The following CFDP1 variants were observed in gnomAD, a reference collection of about 807,000 sequenced individuals.
CFDP1 encodes chromatin remodeling protein CFDP1.
In CFDP1, 31 loss-of-function variants were observed where a neutral mutation model predicts 40.1. That is an observed-to-expected ratio of 0.77 (90% CI 0.58 to 1.04). The LOEUF (loss-of-function observed/expected upper bound fraction) is 1.04. Among genes scored for constraint, CFDP1 ranks in the 50% least tolerant of loss-of-function variants. The pLI is 0.00. For synonymous variants in CFDP1, 167 were observed against 120.0 expected (o/e 1.39, Z -2.56); for missense variants, 423 against 343.4 (o/e 1.23, Z -1.83).
At chr16:75,324,474 G>A (rs759635962) in intron 5 of CFDP1, among the ~76,000 whole-genome samples, 13 of 152,158 alleles carry the variant, frequency 8.5e-5, no homozygotes, top group Non-Finnish European at 1.5e-4. Context: ...GGGCGCGGTG[G>A]CTCATGCCTG....
chr16:75,387,896 T>C (rs1204038561), intron 5 of CFDP1, among the ~76,000 whole-genome samples: 2 of 152,230 alleles, frequency 1.3e-5, no homozygotes, highest in African/African-American at 4.8e-5. Context: ...GTTATATTAA[T>C]GAGGAAAAGC....
chr16:75,428,634 G>C (rs1297778931), intron 1 of CFDP1, among the ~76,000 whole-genome samples: 1 of 143,920 alleles, frequency 6.9e-6, no homozygotes, highest in African/African-American at 2.6e-5. Context: ...AATAAATAGA[G>C]AGAGAGAAAA....
At chr16:75,416,499 G>A (rs1213896486) in intron 1 of CFDP1, among the ~76,000 whole-genome samples, 3 of 149,280 alleles carry the variant, frequency 2.0e-5, no homozygotes, top group African/African-American at 4.9e-5. Flanking sequence ...AGTGGCTCAC[G>A]CCTATAATCT....
intron 5 of CFDP1, among the ~76,000 whole-genome samples, chr16:75,339,229 G>A (rs914346120): frequency 6.6e-6 from 1 of 151,494 alleles, no homozygotes; most frequent in Non-Finnish European, 1.5e-5. Flanking sequence ...CAATTCTTTG[G>A]CTCATTCGTC....
Position 75,411,934 on chromosome 16 carries a change from C to A in CFDP1, c.421G>T (p.Glu141Ter). 1 of 1,607,828 alleles carries A rather than the reference C, an allele frequency of 6.2e-7. No individual in the cohort carries two copies. Among genetic ancestry groups the A allele is most frequent in the Non-Finnish European group, 8.5e-7 (1 of 1,178,654 alleles). Residue 141 changes from glutamate to a stop codon, truncating the protein, a stop_gained, in exon 4 of 7, where the codon GAG becomes TAG. Coordinates refer to ENST00000283882, the MANE Select transcript of CFDP1 (RefSeq NM_006324.3). LOFTEE classifies it high-confidence loss of function. ...ACCAACAATTTACTTGAACTTGTCT[C>A]TTCAGTCTCCTCTCCTTTCTATAAA... The part of the protein sequence containing the change: ...TQVKKGEETE[E>*]TSSSKLLVKA...
chr16:75,303,685 C>T (rs3784936), intron 6 of CFDP1, among the ~76,000 whole-genome samples: 9 of 151,734 alleles, frequency 5.9e-5, no homozygotes, highest in Non-Finnish European at 1.2e-4. Context: ...TGAATGACTT[C>T]GACTTAACGC....
At chr16:75,308,809 C>T (rs913332539) in intron 5 of CFDP1, among the ~76,000 whole-genome samples, 3 of 152,092 alleles carry the variant, frequency 2.0e-5, no homozygotes. Flanking sequence ...ATCTTATTGA[C>T]GAATTACTTT....
intron 4 of CFDP1, among the ~76,000 whole-genome samples, chr16:75,399,978 G>A (rs1474517863): frequency 2.0e-5 from 3 of 151,666 alleles, no homozygotes; most frequent in Non-Finnish European, 4.4e-5. Flanking sequence ...GCACATGCCT[G>A]TAATCCCAGC....
intron 5 of CFDP1, among the ~76,000 whole-genome samples, chr16:75,357,078 A>G (rs972996697): frequency 2.0e-5 from 3 of 151,310 alleles, no homozygotes; most frequent in Non-Finnish European, 1.5e-5. Flanking sequence ...ATGCCTGGCT[A>G]ATTTTTGTAT....
chr16:75,343,362 C>T (rs1285154216), intron 5 of CFDP1, among the ~76,000 whole-genome samples: 2 of 152,126 alleles, frequency 1.3e-5, no homozygotes, highest in African/African-American at 4.8e-5. Flanking sequence ...CACCTCTGAG[C>T]AGTCCTCAAG....
intron 3 of CFDP1, 135 bp downstream of exon 3, chr16:75,412,399 TA>T: frequency 8.1e-6 from 6 of 740,584 alleles, no homozygotes; most frequent in Non-Finnish European, 1.4e-5. Context: ...CTTATTCTCC[TA>T]CCACAGGAAA....
intron 5 of CFDP1, among the ~76,000 whole-genome samples, chr16:75,360,718 T>C (rs7190910): frequency 0.13 from 19,765 of 152,234 alleles, 2,083 homozygotes; most frequent in East Asian, 0.47. Context: ...TTAATAATTG[T>C]ATTTATATTT....
rs187017716 is a variant in CFDP1, at chr16:75,388,979, A to T, written c.650+6111T>A. Among the ~76,000 whole-genome samples the T allele has an allele frequency of 2.7e-3, 417 of 151,984 alleles. 3 individuals carry two copies. Among genetic ancestry groups the T allele is most frequent in the African/African-American group, 9.8e-3 (407 of 41,412 alleles). ...AACAAGGCTAAAACTACATGGGAAA[A>T]TGATGTCTTTCCCTCTTAAGTTATA... On this transcript the variant is annotated intron_variant, in intron 5 of 6. Coordinates refer to ENST00000283882, the MANE Select transcript of CFDP1 (RefSeq NM_006324.3).
At position 75,349,685 on chromosome 16, in the gene CFDP1, A is replaced by AT. The variant is rs56410300; in HGVS notation, c.651-44504_651-44503insA. Among the ~76,000 whole-genome samples, 131 of 66,784 alleles carry AT rather than the reference A, an allele frequency of 2.0e-3. 25 individuals carry two copies. The highest frequency in any genetic ancestry group is 3.7e-3 in the South Asian group (7 of 1,910). 43.8% of individuals were successfully genotyped at this position (66,784 alleles called of 152,430 possible). A position where few individuals can be genotyped will look rare whatever the true frequency, so the allele number is the denominator to read the frequency against. Reference sequence around the variant, plus strand: ...AAAAAAAAAAAAAAAAAAAAAAAAAAAAAAAATATATATACATACATATAT... The same window carrying AT: ...AAAAAAAAAAAAAAAAAAAAAAAAAATAAAAAATATATATACATACATATAT... On this transcript the variant is annotated intron_variant, in intron 5 of 6. Transcript: ENST00000283882.
In CFDP1 at chr16:75,306,103, T is replaced by C. The variant is rs75244733; in HGVS notation, c.651-921A>G. Among the ~76,000 whole-genome samples the C allele has an allele frequency of 9.1e-3, 1,384 of 152,358 alleles. 23 individuals carry two copies. The highest frequency in any genetic ancestry group is 0.032 in the African/African-American group (1,329 of 41,582). On this transcript the variant is annotated intron_variant, in intron 5 of 6. Transcript: ENST00000283882. ...AAATCATCTACCAGCATGTAGGAACTTGGAAGTTATTTTCCGCCTCACGGG... is the reference window on the plus strand; with the variant it reads ...AAATCATCTACCAGCATGTAGGAACCTGGAAGTTATTTTCCGCCTCACGGG...
intron 4 of CFDP1, among the ~76,000 whole-genome samples, chr16:75,400,895 A>C (rs534896162): frequency 1.6e-4 from 25 of 152,318 alleles, no homozygotes; most frequent in African/African-American, 5.5e-4. Flanking sequence ...TATGAATCTC[A>C]TAAAAACAGA....
In CFDP1 at chr16:75,294,081, A is replaced by C. The variant is rs114132318; in HGVS notation, c.810-39T>G. The C allele has an allele frequency of 8.5e-4, 1,283 of 1,503,582 alleles. 7 individuals are homozygous for C. The African/African-American group carries it at 0.014, about 17-fold the overall frequency. The allele number at this position is 1,503,582 out of a possible 1,614,324, so 93.1% of individuals were successfully genotyped here. ...ACAGTGTTTGTCAGTAGAATCCAGT[A>C]GGAAAAACTCCTCCCCTGCACAGTC... On this transcript the variant is annotated intron_variant, in intron 6 of 6. Coordinates refer to ENST00000283882, the MANE Select transcript of CFDP1 (RefSeq NM_006324.3).
intron 5 of CFDP1, among the ~76,000 whole-genome samples, chr16:75,393,347 T>A (rs1051708211): frequency 6.6e-6 from 1 of 152,156 alleles, no homozygotes; most frequent in Admixed American, 6.6e-5. Flanking sequence ...TAAACCTTTA[T>A]CTCAGGGTCT....
chr16:75,346,106 G>A (rs1330956962), intron 5 of CFDP1, among the ~76,000 whole-genome samples: 1 of 152,212 alleles, frequency 6.6e-6, no homozygotes, highest in Non-Finnish European at 1.5e-5. Context: ...GCACTTCACT[G>A]TGCTTAAATT....
Sources: gnomAD v4.1 joint callset for allele counts (sites outside exome capture counted in the v4.1 genomes callset) on GRCh38, gnomAD v4.1.1 for gene constraint, MANE v1.5 for transcripts, NCBI Gene and HGNC (gene_info 2026-07-23, HGNC 2026-07-21) for gene names.